The following AGL variants were observed in gnomAD, a reference collection of about 807,000 sequenced individuals.
AGL encodes amylo-alpha-1,6-glucosidase and 4-alpha-glucanotransferase.
Under a neutral mutation model 199.3 loss-of-function variants are expected in AGL, and 128 were observed. The ratio of observed to expected loss-of-function variants is 0.64; its 90% CI spans 0.56 to 0.74. The LOEUF is 0.74. AGL is among the 30% of genes least tolerant of loss of function. The probability of loss-of-function intolerance (pLI) is 0.00; values close to 1 mark genes in which losing one functional copy is unlikely to be tolerated. For missense variants in AGL, 1,809 were observed against 1,820.8 expected (o/e 0.99, Z 0.12); for synonymous variants, 584 against 594.7 (o/e 0.98, Z 0.26).
chr1:99,899,602 TTTCTTTCC>T (rs1393433470), intron 25 of AGL, among the ~76,000 whole-genome samples: 11 of 139,490 alleles, frequency 7.9e-5, no homozygotes, highest in Non-Finnish European at 1.6e-4. Flanking sequence ...CCTTCCTTTC[TTTCTTTCC>T]TTCTTTCTTT....
At chr1:99,907,630 G>GT (rs1654395065) in intron 27 of AGL, among the ~76,000 whole-genome samples, 1 of 130,244 alleles carries the variant, frequency 7.7e-6, no homozygotes, top group Admixed American at 7.7e-5. Flanking sequence ...TTCTGTGTTT[G>GT]TTTTTTTGGA....
At chr1:99,886,564 C>A (rs1455413964) in intron 20 of AGL, among the ~76,000 whole-genome samples, 1 of 152,018 alleles carries the variant, frequency 6.6e-6, no homozygotes, top group Non-Finnish European at 1.5e-5. Flanking sequence ...TTGAGTAAAA[C>A]ACAATAGTTT....
At chr1:99,878,383 A>G (rs976917161) in intron 12 of AGL, among the ~76,000 whole-genome samples, 1 of 152,092 alleles carries the variant, frequency 6.6e-6, no homozygotes, top group South Asian at 2.1e-4. Context: ...AAAAATAAAC[A>G]TTAACATTAT....
rs1057516471 is a variant in AGL at position 99,870,406 on chromosome 1, A to AT, written c.672dup (p.Ser225Ter). 6.2e-7 allele frequency: 1 copy of AT among 1,613,926 alleles called. No individual in the cohort carries two copies. Among genetic ancestry groups the AT allele is most frequent in the Non-Finnish European group, 8.5e-7 (1 of 1,179,888 alleles). On this transcript the variant is annotated frameshift_variant, in exon 6 of 34. Coordinates refer to ENST00000361915, the MANE Select transcript of AGL (RefSeq NM_000642.3). LOFTEE classifies it high-confidence loss of function. The stretch of plus-strand genomic sequence containing the variant: ...TGTCTCCTTTTTCCTTCAGCTGCTA[A>AT]TAGTAAATGGATCCAGGAACATCCA...
chr1:99,877,967 A>G (rs1651692398), intron 12 of AGL, 139 bp downstream of exon 12: 4 of 793,624 alleles, frequency 5.0e-6, no homozygotes, highest in Non-Finnish European at 6.3e-6. Flanking sequence ...ATTTATCACT[A>G]TTGCATAATT....
rs886537752 is a variant in AGL at position 99,862,138 on chromosome 1, T to G, written c.294-119T>G. Reference sequence around the variant, plus strand: ...CAACTTTTAAAATGATTTTATGTGCTTAGAAATAAATACATTTTATTTGGG... The same window carrying G: ...CAACTTTTAAAATGATTTTATGTGCGTAGAAATAAATACATTTTATTTGGG... On this transcript the variant is annotated intron_variant, in intron 3 of 33. Coordinates refer to ENST00000361915, the MANE Select transcript of AGL (RefSeq NM_000642.3). The G allele has an allele frequency of 3.5e-5, 38 of 1,079,990 alleles. 1 individual carries two copies. The East Asian group carries it at 9.0e-4, about 26-fold the overall frequency. The allele number at this position is 1,079,990 out of a possible 1,614,324, so 66.9% of individuals were successfully genotyped here.
intron 1 of AGL, 156 bp downstream of exon 1, chr1:99,850,571 G>C (rs1648870468): frequency 2.3e-5 from 4 of 174,708 alleles, no homozygotes; most frequent in Admixed American, 2.2e-4. Context: ...CCCGAATTTG[G>C]GAATGGGGAG....
At chr1:99,879,036 T>G (rs1333479830) in intron 12 of AGL, among the ~76,000 whole-genome samples, 1 of 152,236 alleles carries the variant, frequency 6.6e-6, no homozygotes, top group Non-Finnish European at 1.5e-5. Flanking sequence ...GGAACCAATC[T>G]GATTTTTTAT....
chr1:99,876,321 A>C, intron 10 of AGL, 137 bp from the exon 11 acceptor site: 5 of 676,370 alleles, frequency 7.4e-6, no homozygotes, highest in Non-Finnish European at 1.2e-5. Context: ...CCTATATTGA[A>C]GTTTTTTTCC....
intron 25 of AGL, among the ~76,000 whole-genome samples, chr1:99,898,612 G>A (rs1653529986): frequency 6.6e-6 from 1 of 152,132 alleles, no homozygotes; most frequent in Non-Finnish European, 1.5e-5. Flanking sequence ...CTTGCTTGTA[G>A]TCGTAGACGC....
chr1:99,860,512 C>A (rs1261606657), intron 2 of AGL, among the ~76,000 whole-genome samples: 2 of 152,100 alleles, frequency 1.3e-5, no homozygotes, highest in Non-Finnish European at 2.9e-5. Flanking sequence ...TTTAAACCAA[C>A]CAAAATGTTT....
chr1:99,898,537 G>A (rs888151139), intron 25 of AGL, among the ~76,000 whole-genome samples: 4 of 152,162 alleles, frequency 2.6e-5, no homozygotes, highest in African/African-American at 9.7e-5. Context: ...TGTTAGGGTA[G>A]TGCTAGCTGC....
chr1:99,851,162 T>C, intron 2 of AGL, 38 bp downstream of exon 2: 1 of 1,515,698 alleles, frequency 6.6e-7, no homozygotes, highest in Non-Finnish European at 9.2e-7. Context: ...CATTTGCGTC[T>C]TTTAAACTTT....
rs146049603 is a variant in AGL at position 99,884,654 on chromosome 1, A to C, written c.2632A>C (p.Ser878Arg). The change falls in exon 20 of 34, where the codon AGC (serine) becomes CGC (arginine). Residue 878 changes from serine to arginine, a missense_variant. By Grantham distance (110) the Ser-to-Arg change is moderately radical. Transcript: ENST00000361915. ...ATTCAGTCCTCACTTTAAATCTGGC[A>C]GCCTAGCTGTTGACAATGCAGATCC... ...TQFSPHFKSG[S>R]LAVDNADPIL... 51 of 1,613,922 alleles carry C rather than the reference A, an allele frequency of 3.2e-5. No individual in the cohort carries two copies. The highest frequency in any genetic ancestry group is 4.1e-5 in the Non-Finnish European group (48 of 1,179,958).
chr1:99,861,158 C>A, intron 2 of AGL: 1 of 1,164,554 alleles, frequency 8.6e-7, no homozygotes, highest in African/African-American at 1.6e-5. Context: ...CAGATGCCTG[C>A]CATTGGGTAC....
chr1:99,886,496 AAAG>A, intron 20 of AGL, among the ~76,000 whole-genome samples: 1 of 152,274 alleles, frequency 6.6e-6, no homozygotes, highest in South Asian at 2.1e-4. Context: ...AGAAAAAAAA[AAAG>A]AGATCTTTGA....
Position 99,913,745 on chromosome 1 carries a change from G to C in AGL, c.4161+7G>C, listed in dbSNP as rs537009285. The stretch of plus-strand genomic sequence containing the variant: ...TACCATAGCAATGGTTGTGGTAGGT[G>C]ATTCGTTTGTAAAAACATTTCAAAA... On this transcript the variant is annotated splice_region_variant and intron_variant, in intron 30 of 33. Coordinates refer to ENST00000361915, the MANE Select transcript of AGL (RefSeq NM_000642.3). 1 of 1,612,374 alleles carries C rather than the reference G, an allele frequency of 6.2e-7. No homozygotes were observed. The highest frequency in any genetic ancestry group is 1.7e-5 in the Admixed American group (1 of 60,018).
intron 25 of AGL, among the ~76,000 whole-genome samples, chr1:99,899,676 C>T (rs530111955): frequency 1.5e-4 from 22 of 151,094 alleles, no homozygotes; most frequent in South Asian, 6.3e-4. Flanking sequence ...GCTGGAGTGC[C>T]GTGGCGCAAT....
chr1:99,876,454 A>T lies in AGL; in HGVS notation c.1284-4A>T, dbSNP rs372612377. The T allele has an allele frequency of 6.4e-7, 1 of 1,568,400 alleles. No homozygotes were observed. Among genetic ancestry groups the T allele is most frequent in the Non-Finnish European group, 8.7e-7 (1 of 1,144,170 alleles). On this transcript the variant is annotated splice_polypyrimidine_tract_variant and splice_region_variant and intron_variant, in intron 10 of 33. Coordinates refer to ENST00000361915, the MANE Select transcript of AGL (RefSeq NM_000642.3). Reference sequence around the variant, plus strand: ...GGATTTAATATTTAATTATATTTTCATAGGTATTTTACTTTCCCATTTGAA... The same window carrying T: ...GGATTTAATATTTAATTATATTTTCTTAGGTATTTTACTTTCCCATTTGAA...
Sources: allele counts gnomAD v4.1 joint callset (sites outside exome capture counted in the v4.1 genomes callset), GRCh38; gene constraint gnomAD v4.1.1; transcripts MANE v1.5; gene names NCBI Gene and HGNC (gene_info 2026-07-23, HGNC 2026-07-21).